RBFOX1: variants seen among roughly 807,000 people sequenced by gnomAD.
RBFOX1 encodes RNA binding fox-1 homolog 1.
A neutral mutation model predicts 57.7 loss-of-function variants in RBFOX1; 8 were observed. The ratio of observed to expected loss-of-function variants is 0.14; its 90% CI spans 0.08 to 0.25. The LOEUF is 0.25. RBFOX1 is among the 10% of genes least tolerant of loss of function. RBFOX1 has a pLI of 1.00. For synonymous variants in RBFOX1, 326 were observed against 222.4 expected, an observed-to-expected ratio of 1.47 and a Z score of -4.15; for missense variants, 611 against 548.5, an observed-to-expected ratio of 1.11 and a Z score of -1.14.
intron 2 of RBFOX1, among the ~76,000 whole-genome samples, chr16:6,560,307 C>G (rs1340703624): frequency 2.0e-5 from 3 of 148,236 alleles, no homozygotes; most frequent in African/African-American, 4.9e-5. Flanking sequence ...AAAAAGAAAA[C>G]CAAAACAGAA....
At chr16:5,597,971 C>T (rs1596385362) in intron 2 of RBFOX1, among the ~76,000 whole-genome samples, 3 of 152,096 alleles carry the variant, frequency 2.0e-5, no homozygotes. Context: ...CTTCTTAATA[C>T]CCTAGTAAGG....
chr16:7,360,633 C>A (rs1443049218), intron 4 of RBFOX1, among the ~76,000 whole-genome samples: 1 of 152,198 alleles, frequency 6.6e-6, no homozygotes, highest in South Asian at 2.1e-4. Flanking sequence ...AATTATCCCT[C>A]CCTATGATAC....
chr16:6,840,181 A>G (rs946423872), intron 3 of RBFOX1, among the ~76,000 whole-genome samples: 2 of 152,230 alleles, frequency 1.3e-5, no homozygotes, highest in Non-Finnish European at 2.9e-5. Context: ...GGTGCCTAAA[A>G]GCACCATAAA....
intron 3 of RBFOX1, among the ~76,000 whole-genome samples, chr16:6,738,079 T>TAAAA (rs60577324): frequency 4.9e-4 from 69 of 140,236 alleles, no homozygotes; most frequent in Admixed American, 1.1e-3. Context: ...CGGTAATTCT[T>TAAAA]AAAAAAAAAA....
intron 1 of RBFOX1, among the ~76,000 whole-genome samples, chr16:5,376,479 G>A (rs182285622): frequency 5.3e-4 from 81 of 152,258 alleles, no homozygotes; most frequent in African/African-American, 1.9e-3. Flanking sequence ...GACAGGAGAA[G>A]GGTTAGGGAT....
chr16:6,816,990 C>A (rs1603628374), intron 3 of RBFOX1, among the ~76,000 whole-genome samples: 1 of 152,054 alleles, frequency 6.6e-6, no homozygotes, highest in African/African-American at 2.4e-5. Context: ...TCAAGCGATC[C>A]CACTGCCTCT....
intron 2 of RBFOX1, among the ~76,000 whole-genome samples, chr16:6,429,249 G>T (rs150735225): frequency 2.0e-5 from 3 of 152,342 alleles, no homozygotes; most frequent in Non-Finnish European, 4.4e-5. Flanking sequence ...GGGAGAAAAG[G>T]TCTTGATGAA....
intron 4 of RBFOX1, among the ~76,000 whole-genome samples, chr16:7,110,081 G>T (rs760375590): frequency 6.6e-6 from 1 of 151,950 alleles, no homozygotes; most frequent in Non-Finnish European, 1.5e-5. Context: ...TCTGTGTGGT[G>T]GCTCAGGCAT....
chr16:5,264,411 C>A (rs1026476212), intron 1 of RBFOX1, among the ~76,000 whole-genome samples: 3 of 151,908 alleles, frequency 2.0e-5, no homozygotes, highest in African/African-American at 7.3e-5. Flanking sequence ...AGCAGTGGTC[C>A]CCAAATGGTG....
At chr16:6,078,936 T>C (rs1373650024) in intron 1 of RBFOX1, among the ~76,000 whole-genome samples, 2 of 152,206 alleles carry the variant, frequency 1.3e-5, no homozygotes, top group Non-Finnish European at 2.9e-5. Context: ...GCATCCCAGT[T>C]CATGATTTAA....
At chr16:6,936,343 G>C (rs1455339647) in intron 3 of RBFOX1, among the ~76,000 whole-genome samples, 5 of 152,112 alleles carry the variant, frequency 3.3e-5, no homozygotes, top group Non-Finnish European at 7.4e-5. Flanking sequence ...CCAAGTTGTT[G>C]AACCAACTCT....
At chr16:5,686,570 T>C (rs1303454045) in intron 3 of RBFOX1, among the ~76,000 whole-genome samples, 1 of 152,116 alleles carries the variant, frequency 6.6e-6, no homozygotes, top group East Asian at 1.9e-4. Context: ...TCTTGACTTC[T>C]GATTATTCAC....
At chr16:7,172,874 A>G (rs1016014074) in intron 4 of RBFOX1, among the ~76,000 whole-genome samples, 3 of 152,318 alleles carry the variant, frequency 2.0e-5, no homozygotes, top group Admixed American at 6.5e-5. Context: ...ATCTGCCTCA[A>G]TTTGAAACTG....
chr16:5,714,299 G>A (rs1466058761), intron 3 of RBFOX1, among the ~76,000 whole-genome samples: 2 of 152,164 alleles, frequency 1.3e-5, no homozygotes, highest in African/African-American at 4.8e-5. Context: ...TTCTGATTCT[G>A]AGCTCAGACC....
intron 4 of RBFOX1, among the ~76,000 whole-genome samples, chr16:7,261,684 A>G (rs1347155247): frequency 6.6e-6 from 1 of 152,208 alleles, no homozygotes; most frequent in African/African-American, 2.4e-5. Flanking sequence ...TGCCAGTCCA[A>G]GCATCCTTTT....
At chr16:7,247,451 G>A (rs2094347351) in intron 4 of RBFOX1, among the ~76,000 whole-genome samples, 1 of 152,152 alleles carries the variant, frequency 6.6e-6, no homozygotes, top group South Asian at 2.1e-4. Flanking sequence ...GATAATGAGT[G>A]TTAAGTTCCT....
chr16:6,296,468 C>T (rs935436277), intron 1 of RBFOX1, among the ~76,000 whole-genome samples: 6 of 150,628 alleles, frequency 4.0e-5, no homozygotes, highest in South Asian at 4.2e-4. Context: ...TCGCCCAGGC[C>T]GGAGTGCAAT....
chr16:5,687,271 G>A (rs1467712337), intron 3 of RBFOX1, among the ~76,000 whole-genome samples: 8 of 152,244 alleles, frequency 5.3e-5, no homozygotes, highest in African/African-American at 1.9e-4. Context: ...AGAAACTGTG[G>A]TGCCTTCATG....
intron 4 of RBFOX1, among the ~76,000 whole-genome samples, chr16:7,187,916 C>G (rs1472635974): frequency 6.6e-6 from 1 of 152,086 alleles, no homozygotes; most frequent in Non-Finnish European, 1.5e-5. Context: ...AAAGTGGTTT[C>G]CATGACCGCA....
Sources: allele counts gnomAD v4.1 joint callset (sites outside exome capture counted in the v4.1 genomes callset), GRCh38; gene constraint gnomAD v4.1.1; transcripts MANE v1.5; gene names NCBI Gene and HGNC (gene_info 2026-07-23, HGNC 2026-07-21).